CNTNAP5: variants seen among roughly 807,000 people sequenced by gnomAD.
CNTNAP5 encodes contactin-associated protein-like 5.
In CNTNAP5, 72 loss-of-function variants were observed where a neutral mutation model predicts 150.2. The ratio of observed to expected loss-of-function variants is 0.48; its 90% CI spans 0.40 to 0.58. The LOEUF (loss-of-function observed/expected upper bound fraction) is 0.58. CNTNAP5 is among the 20% of genes least tolerant of loss of function. The probability of loss-of-function intolerance (pLI) is 0.00; values close to 1 mark genes in which losing one functional copy is unlikely to be tolerated. For missense variants in CNTNAP5, 1,636 were observed against 1,626.2 expected (o/e 1.01, Z -0.10); for synonymous variants, 672 against 619.8 (o/e 1.08, Z -1.25).
At chr2:124,786,464 AAAGG>A (rs1297550355) in intron 17 of CNTNAP5, among the ~76,000 whole-genome samples, 29 of 92,760 alleles carry the variant, frequency 3.1e-4, no homozygotes, top group East Asian at 7.8e-4. Context: ...AGAAAGAAAG[AAAGG>A]AAGGAAGGAA....
chr2:124,866,958 C>T (rs919361737), intron 20 of CNTNAP5, among the ~76,000 whole-genome samples: 91 of 152,194 alleles, frequency 6.0e-4, no homozygotes, highest in African/African-American at 2.0e-3. Context: ...AGAGAATATC[C>T]GCACATTCTC....
chr2:124,723,844 C>A (rs750069402), intron 13 of CNTNAP5, among the ~76,000 whole-genome samples: 2 of 152,084 alleles, frequency 1.3e-5, no homozygotes, highest in African/African-American at 4.8e-5. Flanking sequence ...TTAATCACCT[C>A]TTTTAAGATC....
intron 12 of CNTNAP5, among the ~76,000 whole-genome samples, chr2:124,610,581 A>G (rs953814664): frequency 1.3e-5 from 2 of 152,196 alleles, no homozygotes; most frequent in African/African-American, 2.4e-5. Context: ...CAATCATTAC[A>G]TGGGCTTAGA....
At chr2:124,145,923 G>A (rs1399957651) in intron 1 of CNTNAP5, among the ~76,000 whole-genome samples, 1 of 151,268 alleles carries the variant, frequency 6.6e-6, no homozygotes, top group African/African-American at 2.4e-5. Flanking sequence ...GATAGTGACT[G>A]TAAATGATAC....
intron 13 of CNTNAP5, among the ~76,000 whole-genome samples, chr2:124,738,158 G>A (rs988053740): frequency 8.5e-5 from 13 of 152,098 alleles, no homozygotes; most frequent in African/African-American, 1.7e-4. Context: ...TCATGAACAT[G>A]CCCCACACTA....
intron 12 of CNTNAP5, among the ~76,000 whole-genome samples, chr2:124,613,723 G>C (rs865937109): frequency 1.4e-4 from 21 of 152,166 alleles, no homozygotes; most frequent in Admixed American, 9.2e-4. Flanking sequence ...ATGTAAGTCT[G>C]TGCATCTCAC....
chr2:124,169,936 G>A (rs939299159), intron 1 of CNTNAP5, among the ~76,000 whole-genome samples: 2 of 152,160 alleles, frequency 1.3e-5, no homozygotes, highest in Non-Finnish European at 2.9e-5. Context: ...CCACATAGAT[G>A]TGTCTTGTCC....
intron 6 of CNTNAP5, among the ~76,000 whole-genome samples, chr2:124,472,026 C>T (rs1693529777): frequency 6.6e-6 from 1 of 151,916 alleles, no homozygotes; most frequent in South Asian, 2.1e-4. Context: ...ATTTAGGAGC[C>T]ATTCATATGA....
At chr2:124,781,716 T>C (rs1681456847) in intron 17 of CNTNAP5, among the ~76,000 whole-genome samples, 1 of 152,190 alleles carries the variant, frequency 6.6e-6, no homozygotes. Flanking sequence ...TGGACTCGGG[T>C]TCGTCTTAAA....
chr2:124,214,910 G>A (rs1279131316), intron 1 of CNTNAP5, among the ~76,000 whole-genome samples: 1 of 152,110 alleles, frequency 6.6e-6, no homozygotes, highest in African/African-American at 2.4e-5. Flanking sequence ...TTCCTTTCAC[G>A]ACTGATTTTA....
intron 14 of CNTNAP5, among the ~76,000 whole-genome samples, chr2:124,758,013 C>A (rs931166992): frequency 2.6e-5 from 4 of 151,982 alleles, no homozygotes; most frequent in African/African-American, 9.7e-5. Flanking sequence ...AAACATGTTT[C>A]TTGGAATAAT....
At chr2:124,885,936 A>G (rs964877691) in intron 21 of CNTNAP5, among the ~76,000 whole-genome samples, 1 of 152,006 alleles carries the variant, frequency 6.6e-6, no homozygotes, top group African/African-American at 2.4e-5. Flanking sequence ...ACATGTGTAT[A>G]TATGTATTTA....
At chr2:124,520,320 A>G (rs1342432151) in intron 8 of CNTNAP5, among the ~76,000 whole-genome samples, 1 of 152,244 alleles carries the variant, frequency 6.6e-6, no homozygotes, top group African/African-American at 2.4e-5. Context: ...GTCAAGAACT[A>G]CCTTCACCAT....
At chr2:124,243,481 T>G (rs1216563800) in intron 3 of CNTNAP5, among the ~76,000 whole-genome samples, 1 of 152,180 alleles carries the variant, frequency 6.6e-6, no homozygotes, top group Non-Finnish European at 1.5e-5. Flanking sequence ...GGATTAAAAT[T>G]AGTTATGGCA....
chr2:124,707,893 G>A (rs1161198764), intron 13 of CNTNAP5, among the ~76,000 whole-genome samples: 1 of 152,112 alleles, frequency 6.6e-6, no homozygotes, highest in African/African-American at 2.4e-5. Flanking sequence ...TACAGTAAAA[G>A]TGACGACAAA....
intron 3 of CNTNAP5, among the ~76,000 whole-genome samples, chr2:124,265,847 CAG>C (rs897237821): frequency 2.0e-5 from 3 of 147,956 alleles, no homozygotes; most frequent in Admixed American, 6.8e-5. Context: ...TAAAAAAAAA[CAG>C]AGTCAGTCAG....
intron 11 of CNTNAP5, among the ~76,000 whole-genome samples, chr2:124,581,080 G>C (rs773098774): frequency 2.6e-5 from 4 of 152,162 alleles, no homozygotes; most frequent in Non-Finnish European, 5.9e-5. Context: ...CGTGGGCTTG[G>C]GGCCAATGAG....
At position 124,785,284 on chromosome 2, in the gene CNTNAP5, G is replaced by A. The variant is rs549100352; in HGVS notation, c.2753-4618G>A. ...TTCTGTGGTCAAGTGGAGAGTGCAT[G>A]CCCTATCTTAAAGGAGCTGACCCCA... On this transcript the variant is annotated intron_variant, in intron 17 of 23. Coordinates refer to ENST00000682447, the MANE Select transcript of CNTNAP5 (RefSeq NM_001367498.1). Among the ~76,000 whole-genome samples, 441 of 152,256 alleles carry A rather than the reference G, an allele frequency of 2.9e-3. 1 individual carries two copies. The highest frequency in any genetic ancestry group is 4.0e-3 in the Non-Finnish European group (275 of 68,022).
intron 22 of CNTNAP5, among the ~76,000 whole-genome samples, chr2:124,908,739 G>T (rs975194729): frequency 6.6e-6 from 1 of 151,968 alleles, no homozygotes; most frequent in Non-Finnish European, 1.5e-5. Context: ...CCTTTCAGTG[G>T]GACAACATGA....
Sources: gnomAD v4.1 joint callset for allele counts (sites outside exome capture counted in the v4.1 genomes callset) on GRCh38, gnomAD v4.1.1 for gene constraint, MANE v1.5 for transcripts, NCBI Gene and HGNC (gene_info 2026-07-23, HGNC 2026-07-21) for gene names.